The following RNGTT variants were observed in gnomAD, a reference collection of about 807,000 sequenced individuals.
The protein encoded by RNGTT is mRNA-capping enzyme.
Under a neutral mutation model 79.3 loss-of-function variants are expected in RNGTT, and 33 were observed. The observed-to-expected ratio is 0.42, with a 90% CI of 0.32 to 0.56. RNGTT has a LOEUF of 0.56. RNGTT is among the 20% of genes least tolerant of loss of function. The probability of loss-of-function intolerance (pLI) is 0.17; values close to 1 mark genes in which losing one functional copy is unlikely to be tolerated. For missense variants in RNGTT, 497 were observed against 739.1 expected (o/e 0.67, Z 3.80); for synonymous variants, 222 against 235.9 (o/e 0.94, Z 0.54).
intron 14 of RNGTT, among the ~76,000 whole-genome samples, chr6:88,622,247 A>T (rs1772466455): frequency 6.6e-6 from 1 of 152,210 alleles, no homozygotes; most frequent in Non-Finnish European, 1.5e-5. Context: ...AGTATTAAAC[A>T]CCTATATAGG....
intron 11 of RNGTT, among the ~76,000 whole-genome samples, chr6:88,817,845 C>T (rs915219316): frequency 2.7e-5 from 4 of 148,906 alleles, no homozygotes; most frequent in Non-Finnish European, 5.9e-5. Flanking sequence ...CTGCAAGCTC[C>T]GCCTCCCGGG....
intron 13 of RNGTT, among the ~76,000 whole-genome samples, chr6:88,715,764 T>C (rs1168219181): frequency 2.0e-5 from 3 of 152,292 alleles, no homozygotes; most frequent in East Asian, 3.9e-4. Context: ...GCTAGCCATA[T>C]GTAAAAAGCT....
rs574781103 is a variant in RNGTT, at chr6:88,720,500, C to T, written c.1440-42081G>A. Among the ~76,000 whole-genome samples the T allele has an allele frequency of 1.4e-3, 212 of 152,166 alleles. 1 individual carries two copies. In the Middle Eastern group the frequency reaches 0.017, roughly 12 times the overall value. On this transcript the variant is annotated intron_variant, in intron 13 of 15. Transcript: ENST00000369485. Reference sequence around the variant, plus strand: ...CCTGAGTCTAGTGTTCTCATCCAAACCCTGGACTTAATTAGAAAGAACGAC... The same window carrying T: ...CCTGAGTCTAGTGTTCTCATCCAAATCCTGGACTTAATTAGAAAGAACGAC...
intron 14 of RNGTT, among the ~76,000 whole-genome samples, chr6:88,629,886 G>A (rs1772782578): frequency 6.6e-6 from 1 of 152,108 alleles, no homozygotes; most frequent in African/African-American, 2.4e-5. Flanking sequence ...GCTTTCAAGT[G>A]GTGAGTATTT....
At chr6:88,735,560 CGA>C (rs1050484399) in intron 13 of RNGTT, among the ~76,000 whole-genome samples, 1 of 122,804 alleles carries the variant, frequency 8.1e-6, no homozygotes, top group African/African-American at 3.0e-5. Flanking sequence ...CAGAATAACA[CGA>C]GTGTTAAAAA....
intron 13 of RNGTT, among the ~76,000 whole-genome samples, chr6:88,690,869 G>A (rs975364672): frequency 6.6e-6 from 1 of 152,048 alleles, no homozygotes; most frequent in African/African-American, 2.4e-5. Context: ...GAATACATGT[G>A]TCCTAAAGTA....
intron 13 of RNGTT, among the ~76,000 whole-genome samples, chr6:88,714,654 G>T (rs1776442252): frequency 2.3e-5 from 3 of 130,182 alleles, no homozygotes; most frequent in East Asian, 2.0e-4. Context: ...GTTTTAGCCG[G>T]GATGGTCTCG....
chr6:88,726,704 G>A (rs1378684292), intron 13 of RNGTT, among the ~76,000 whole-genome samples: 2 of 152,158 alleles, frequency 1.3e-5, no homozygotes, highest in African/African-American at 4.8e-5. Context: ...TAATTAGTCT[G>A]CTCAAATGTG....
At chr6:88,691,157 C>T (rs900417799) in intron 13 of RNGTT, among the ~76,000 whole-genome samples, 13 of 152,148 alleles carry the variant, frequency 8.5e-5, no homozygotes, top group Admixed American at 8.5e-4. Context: ...GGATTTCCCC[C>T]TTGCTGTTCT....
At chr6:88,810,104 G>A in intron 11 of RNGTT, among the ~76,000 whole-genome samples, 1 of 152,026 alleles carries the variant, frequency 6.6e-6, no homozygotes, top group East Asian at 1.9e-4. Flanking sequence ...TTAAGAAAAA[G>A]GTTACAAATC....
intron 14 of RNGTT, among the ~76,000 whole-genome samples, chr6:88,672,550 AGGGGGAAG>A (rs1774694929): frequency 6.6e-6 from 1 of 152,112 alleles, no homozygotes; most frequent in African/African-American, 2.4e-5. Flanking sequence ...CTGGGGACTC[AGGGGGAAG>A]TGTGGGATGA....
intron 14 of RNGTT, among the ~76,000 whole-genome samples, chr6:88,644,209 A>G (rs1448702465): frequency 6.6e-6 from 1 of 152,096 alleles, no homozygotes; most frequent in African/African-American, 2.4e-5. Context: ...TACCATCAGA[A>G]AATACTATAA....
chr6:88,911,831 C>T (rs146881456), intron 4 of RNGTT, among the ~76,000 whole-genome samples: 2 of 152,092 alleles, frequency 1.3e-5, no homozygotes, highest in African/African-American at 4.8e-5. Context: ...TGGCTCATGC[C>T]TGTACTTCTT....
chr6:88,818,554 A>G (rs909340840), intron 11 of RNGTT, among the ~76,000 whole-genome samples: 5 of 152,244 alleles, frequency 3.3e-5, no homozygotes, highest in African/African-American at 9.6e-5. Flanking sequence ...CAGTCTGGGC[A>G]ACCAGAGTGA....
intron 13 of RNGTT, among the ~76,000 whole-genome samples, chr6:88,763,214 G>A (rs1778330827): frequency 6.6e-6 from 1 of 151,762 alleles, no homozygotes; most frequent in Non-Finnish European, 1.5e-5. Flanking sequence ...AAAGTGCTGG[G>A]ACTACAGGAG....
chr6:88,934,127 G>A (rs1293243505), intron 2 of RNGTT, among the ~76,000 whole-genome samples: 1 of 151,956 alleles, frequency 6.6e-6, no homozygotes, highest in African/African-American at 2.4e-5. Context: ...CAATCTTCTG[G>A]GGTTAAGGGA....
At chr6:88,868,475 T>C (rs1404924878) in intron 8 of RNGTT, among the ~76,000 whole-genome samples, 1 of 152,198 alleles carries the variant, frequency 6.6e-6, no homozygotes, top group East Asian at 1.9e-4. Context: ...ATATCAATTA[T>C]TAATCAGGTC....
chr6:88,695,123 T>G (rs1361320410), intron 13 of RNGTT, among the ~76,000 whole-genome samples: 2 of 152,132 alleles, frequency 1.3e-5, no homozygotes, highest in African/African-American at 4.8e-5. Context: ...TTTTTTGAAT[T>G]TGACCCTAAA....
At chr6:88,862,334 C>T (rs956753744) in intron 8 of RNGTT, among the ~76,000 whole-genome samples, 7 of 152,090 alleles carry the variant, frequency 4.6e-5, no homozygotes, top group Non-Finnish European at 1.0e-4. Flanking sequence ...TGGTTTACTC[C>T]CTCACGCCTA....
Sources: gnomAD v4.1 joint callset for allele counts (sites outside exome capture counted in the v4.1 genomes callset) on GRCh38, gnomAD v4.1.1 for gene constraint, MANE v1.5 for transcripts, NCBI Gene and HGNC (gene_info 2026-07-23, HGNC 2026-07-21) for gene names.